Variants in TAFA2 observed in about 807,000 individuals in gnomAD.
The protein encoded by TAFA2 is TAFA chemokine like family member 2.
TAFA2 carries 7 observed loss-of-function variants against 18.8 expected under a neutral mutation model. The observed-to-expected ratio is 0.37, with a 90% confidence interval of 0.21 to 0.70. The LOEUF (loss-of-function observed/expected upper bound fraction) is 0.70, where lower values mean the gene tolerates loss of function less well. TAFA2 is among the 30% of genes least tolerant of loss of function. The pLI is 0.53. For missense variants in TAFA2, 122 were observed against 158.1 expected (o/e 0.77, Z 1.23); for synonymous variants, 60 against 54.2 (o/e 1.11, Z -0.47).
chr12:61,831,489 C>T lies in TAFA2; in HGVS notation c.106+35831G>A, dbSNP rs555680553. 1.5e-4 allele frequency among the ~76,000 whole-genome samples: 23 copies of T among 152,126 alleles called. 1 individual carries two copies. The South Asian group carries it at 4.6e-3, about 30-fold the overall frequency. On this transcript the variant is annotated intron_variant, in intron 2 of 4. Transcript: ENST00000416284. ...GAAGCAGAGACAAAGGGCCCTGAAT[C>T]CACCAATTTTCTTCTCCTTTACCCT... is the stretch of plus-strand genomic sequence containing the variant.
intron 2 of TAFA2, among the ~76,000 whole-genome samples, chr12:61,829,657 G>A (rs1196438098): frequency 6.6e-6 from 1 of 151,378 alleles, no homozygotes; most frequent in Admixed American, 6.6e-5. Flanking sequence ...ATATCAGCTA[G>A]ATAAATTTTT....
At chr12:62,121,571 A>T (rs957503227) in intron 1 of TAFA2, among the ~76,000 whole-genome samples, 3 of 152,212 alleles carry the variant, frequency 2.0e-5, no homozygotes, top group Admixed American at 6.5e-5. Flanking sequence ...CAATGATTCA[A>T]CCACCAGGAA....
rs183079098 is a variant in TAFA2, at chr12:62,135,917, G to A, written c.-2+55342C>T. 61 of 152,132 alleles carry A rather than the reference G, an allele frequency of 4.0e-4. 2 individuals are homozygous for A. The highest frequency in any genetic ancestry group is 3.3e-3 in the Admixed American group (51 of 15,248). 9.4% of individuals were successfully genotyped at this position (152,132 alleles called of 1,614,324 possible). On this transcript the variant is annotated intron_variant, in intron 1 of 4. Transcript: ENST00000416284. ...TCATACATGTATAGAAGAAATGCAT[G>A]GCTTCTTCACCCTGATTGACTTTTC...
intron 2 of TAFA2, among the ~76,000 whole-genome samples, chr12:61,812,877 C>G (rs1240273271): frequency 2.6e-5 from 4 of 151,320 alleles, no homozygotes; most frequent in Non-Finnish European, 5.9e-5. Flanking sequence ...GCCAACTTTT[C>G]TTTTCAATAA....
chr12:62,130,721 T>C (rs1870648218), intron 1 of TAFA2, among the ~76,000 whole-genome samples: 1 of 151,978 alleles, frequency 6.6e-6, no homozygotes, highest in East Asian at 1.9e-4. Context: ...CTTCTCTAAG[T>C]GATACTTGAA....
At chr12:61,789,906 C>T (rs954382587) in intron 2 of TAFA2, among the ~76,000 whole-genome samples, 3 of 151,544 alleles carry the variant, frequency 2.0e-5, no homozygotes, top group African/African-American at 7.3e-5. Flanking sequence ...TACAAGGATG[C>T]AACAAAAAGG....
intron 1 of TAFA2, among the ~76,000 whole-genome samples, chr12:61,975,942 C>T (rs1399634525): frequency 6.6e-6 from 1 of 151,752 alleles, no homozygotes; most frequent in Non-Finnish European, 1.5e-5. Flanking sequence ...CATTAATTAG[C>T]TTGATTGTGG....
Position 61,811,593 on chromosome 12 carries a change from T to G in TAFA2, c.106+55727A>C, listed in dbSNP as rs375669776. ...ATGAGCCATATACAAAAATAACCAC[T>G]ATATATCTGTATATAGTAAGTATCC... On this transcript the variant is annotated intron_variant, in intron 2 of 4. Coordinates refer to ENST00000416284, the MANE Select transcript of TAFA2 (RefSeq NM_178539.5). Among the ~76,000 whole-genome samples the G allele has an allele frequency of 3.3e-5, 5 of 151,402 alleles. No homozygotes were observed. The East Asian group carries it at 9.6e-4, about 29-fold the overall frequency.
chr12:61,746,984 T>C (rs1229826221), intron 4 of TAFA2, among the ~76,000 whole-genome samples: 1 of 152,070 alleles, frequency 6.6e-6, no homozygotes, highest in Non-Finnish European at 1.5e-5. Context: ...AAAGGGCTAA[T>C]ATCCAGAATC....
At chr12:61,897,772 C>A (rs1298296165) in intron 1 of TAFA2, among the ~76,000 whole-genome samples, 1 of 152,184 alleles carries the variant, frequency 6.6e-6, no homozygotes, top group Non-Finnish European at 1.5e-5. Flanking sequence ...CCTGGCCTCT[C>A]CCAAGTCTCA....
At chr12:62,250,642 A>C (rs2062908734) in intron 1 of TAFA2, among the ~76,000 whole-genome samples, 1 of 151,434 alleles carries the variant, frequency 6.6e-6, no homozygotes, top group South Asian at 2.1e-4. Flanking sequence ...TTATTCTGGA[A>C]CTCCTATTAA....
intron 1 of TAFA2, among the ~76,000 whole-genome samples, chr12:61,889,616 C>A (rs1875539276): frequency 6.6e-6 from 1 of 152,152 alleles, no homozygotes; most frequent in South Asian, 2.1e-4. Flanking sequence ...CCAAAATCAG[C>A]AAACTTTTAA....
At chr12:61,717,812 G>T (rs2120574435) in intron 4 of TAFA2, among the ~76,000 whole-genome samples, 1 of 152,128 alleles carries the variant, frequency 6.6e-6, no homozygotes, top group Non-Finnish European at 1.5e-5. Flanking sequence ...AGGAGACCAG[G>T]GTTTTATACC....
At chr12:61,851,976 G>C (rs1873687431) in intron 2 of TAFA2, among the ~76,000 whole-genome samples, 1 of 151,874 alleles carries the variant, frequency 6.6e-6, no homozygotes, top group East Asian at 2.0e-4. Flanking sequence ...GGGAGGCCGA[G>C]GGGGGCAGAG....
At chr12:61,985,481 G>A (rs776710449) in intron 1 of TAFA2, among the ~76,000 whole-genome samples, 4 of 152,108 alleles carry the variant, frequency 2.6e-5, no homozygotes, top group Non-Finnish European at 5.9e-5. Context: ...AGTTATTAGG[G>A]AGTAATTTTT....
chr12:62,007,713 T>C (rs1880602686), intron 1 of TAFA2, among the ~76,000 whole-genome samples: 1 of 152,198 alleles, frequency 6.6e-6, no homozygotes, highest in Non-Finnish European at 1.5e-5. Context: ...TACTTTCTTT[T>C]AAATTGATAC....
intron 2 of TAFA2, among the ~76,000 whole-genome samples, chr12:61,838,463 C>G (rs1007231468): frequency 2.1e-4 from 32 of 151,962 alleles, no homozygotes; most frequent in African/African-American, 7.7e-4. Context: ...CAATGTATGT[C>G]AAGGCTAAAA....
intron 1 of TAFA2, among the ~76,000 whole-genome samples, chr12:61,869,007 A>G (rs1874475749): frequency 6.6e-6 from 1 of 152,170 alleles, no homozygotes; most frequent in Non-Finnish European, 1.5e-5. Flanking sequence ...ACAAACATGT[A>G]CTAAGGATTC....
chr12:62,109,305 T>C (rs1000254486), intron 1 of TAFA2, among the ~76,000 whole-genome samples: 1 of 152,194 alleles, frequency 6.6e-6, no homozygotes, highest in Non-Finnish European at 1.5e-5. Context: ...TGTAGCATTA[T>C]TTCTGAGGCC....
Sources: allele counts gnomAD v4.1 joint callset (sites outside exome capture counted in the v4.1 genomes callset), GRCh38; gene constraint gnomAD v4.1.1; transcripts MANE v1.5; gene names NCBI Gene and HGNC (gene_info 2026-07-23, HGNC 2026-07-21).